Variants in DCC observed in about 807,000 individuals in gnomAD.
The protein encoded by DCC is netrin receptor DCC.
Under a neutral mutation model 172.5 loss-of-function variants are expected in DCC, and 58 were observed. The observed-to-expected ratio is 0.34, with a 90% confidence interval of 0.27 to 0.42. The LOEUF is 0.42. Ranked by LOEUF, DCC falls within the 10% of genes least tolerant of loss-of-function variation. DCC has a pLI of 1.00. For missense variants in DCC, 1,740 were observed against 1,791.0 expected, an observed-to-expected ratio of 0.97 and a Z score of 0.51; for synonymous variants, 709 against 644.5, an observed-to-expected ratio of 1.10 and a Z score of -1.52.
At chr18:52,828,171 G>A (rs1344729183) in intron 2 of DCC, among the ~76,000 whole-genome samples, 2 of 152,122 alleles carry the variant, frequency 1.3e-5, no homozygotes, top group East Asian at 1.9e-4. Context: ...TACATACTAC[G>A]GGATGCAACT....
At chr18:52,861,968 G>A (rs1359633628) in intron 2 of DCC, among the ~76,000 whole-genome samples, 1 of 152,024 alleles carries the variant, frequency 6.6e-6, no homozygotes, top group Admixed American at 6.6e-5. Flanking sequence ...GAATAGCCAC[G>A]GGTAAAGATA....
chr18:52,749,140 C>A (rs1324627514), intron 1 of DCC, among the ~76,000 whole-genome samples: 1 of 151,912 alleles, frequency 6.6e-6, no homozygotes, highest in East Asian at 1.9e-4. Context: ...TGCAGTGAGC[C>A]AAGATCGCAT....
At chr18:52,834,836 G>T (rs117696444) in intron 2 of DCC, among the ~76,000 whole-genome samples, 3,208 of 151,444 alleles carry the variant, frequency 0.021, 58 homozygotes, top group Admixed American at 0.042. Flanking sequence ...AGGCAAAAAA[G>T]GTAAGTTTTC....
At chr18:53,090,774 A>C (rs1237780260) in intron 7 of DCC, among the ~76,000 whole-genome samples, 2 of 147,954 alleles carry the variant, frequency 1.4e-5, no homozygotes, top group Non-Finnish European at 3.0e-5. Context: ...TATCCTAAGC[A>C]GTTCAATTGA....
intron 2 of DCC, among the ~76,000 whole-genome samples, chr18:52,768,975 C>T (rs1489851546): frequency 6.6e-6 from 1 of 151,986 alleles, no homozygotes; most frequent in East Asian, 1.9e-4. Flanking sequence ...ACCATGGCTT[C>T]CCAAAAGGAT....
chr18:52,390,946 A>G (rs942419337), intron 1 of DCC, among the ~76,000 whole-genome samples: 3 of 152,042 alleles, frequency 2.0e-5, no homozygotes, highest in Non-Finnish European at 4.4e-5. Context: ...TGTCCCCTCC[A>G]TTACCAAAAG....
rs529855046 is a variant in DCC at position 53,147,879 on chromosome 18, G to C, written c.1262-9477G>C. On this transcript the variant is annotated intron_variant, in intron 7 of 28. Transcript: ENST00000442544. ...TGGAAGTTAGCCATCAAGTATGATT[G>C]GAGCCATTTTAATGAGTTGCCTAGT... 5.3e-4 allele frequency among the ~76,000 whole-genome samples: 80 copies of C among 152,266 alleles called. 1 individual carries two copies. In the South Asian group the frequency reaches 0.016, roughly 31 times the overall value.
chr18:53,139,910 G>A (rs1045224230), intron 7 of DCC, among the ~76,000 whole-genome samples: 6 of 152,130 alleles, frequency 3.9e-5, no homozygotes, highest in African/African-American at 1.4e-4. Context: ...AGTCACCAAG[G>A]AGGATACAAA....
At chr18:53,189,667 A>G (rs1450063098) in intron 9 of DCC, among the ~76,000 whole-genome samples, 2 of 152,196 alleles carry the variant, frequency 1.3e-5, no homozygotes, top group Non-Finnish European at 2.9e-5. Flanking sequence ...TACCTTCTTC[A>G]TCTCTTCAGA....
At chr18:52,966,033 T>A (rs1489237064) in intron 5 of DCC, among the ~76,000 whole-genome samples, 1 of 152,194 alleles carries the variant, frequency 6.6e-6, no homozygotes, top group Non-Finnish European at 1.5e-5. Flanking sequence ...CTTCCAGAAG[T>A]GCTTCTCTCC....
At chr18:53,359,776 A>T (rs2144928272) in intron 15 of DCC, among the ~76,000 whole-genome samples, 1 of 152,240 alleles carries the variant, frequency 6.6e-6, no homozygotes, top group East Asian at 1.9e-4. Flanking sequence ...TTCCTCAAGG[A>T]GAAGCCCCTT....
At chr18:53,254,705 A>G (rs546118016) in intron 12 of DCC, among the ~76,000 whole-genome samples, 21 of 152,144 alleles carry the variant, frequency 1.4e-4, no homozygotes, top group Admixed American at 1.2e-3. Flanking sequence ...TCTAGTGATT[A>G]TTCTGAATGT....
chr18:53,033,511 TGTATTCTA>T (rs2042052002), intron 5 of DCC, among the ~76,000 whole-genome samples: 1 of 152,152 alleles, frequency 6.6e-6, no homozygotes, highest in Non-Finnish European at 1.5e-5. Flanking sequence ...AGAGTGTCCA[TGTATTCTA>T]AATATATCCA....
intron 1 of DCC, among the ~76,000 whole-genome samples, chr18:52,596,613 GT>G (rs918272770): frequency 6.6e-6 from 1 of 152,122 alleles, no homozygotes; most frequent in African/African-American, 2.4e-5. Context: ...AACTTGTTCT[GT>G]TTACAGTTGA....
intron 1 of DCC, among the ~76,000 whole-genome samples, chr18:52,605,353 G>C (rs17748928): frequency 0.13 from 19,910 of 152,106 alleles, 1,461 homozygotes; most frequent in Non-Finnish European, 0.15. Context: ...CTTTTAAAGT[G>C]GTACAGCTAA....
chr18:53,507,722 A>G (rs2046198684), intron 27 of DCC, among the ~76,000 whole-genome samples: 1 of 152,170 alleles, frequency 6.6e-6, no homozygotes, highest in African/African-American at 2.4e-5. Flanking sequence ...AATTGCACGT[A>G]CAGACTTATA....
intron 27 of DCC, among the ~76,000 whole-genome samples, chr18:53,509,602 C>T (rs2046225444): frequency 6.6e-6 from 1 of 152,096 alleles, no homozygotes; most frequent in Non-Finnish European, 1.5e-5. Context: ...CATGGAAGAA[C>T]TTGTGGGTTT....
At chr18:52,955,139 T>C (rs113846434) in intron 5 of DCC, among the ~76,000 whole-genome samples, 3,872 of 152,270 alleles carry the variant, frequency 0.025, 168 homozygotes, top group African/African-American at 0.088. Flanking sequence ...GGCAAAGATA[T>C]AATGACAAGT....
At chr18:52,633,911 G>A (rs1414278671) in intron 1 of DCC, among the ~76,000 whole-genome samples, 1 of 152,238 alleles carries the variant, frequency 6.6e-6, no homozygotes, top group Non-Finnish European at 1.5e-5. Flanking sequence ...CACAGCCCCT[G>A]ATTCTCAGGA....
Sources: gnomAD v4.1 joint callset for allele counts (sites outside exome capture counted in the v4.1 genomes callset) on GRCh38, gnomAD v4.1.1 for gene constraint, MANE v1.5 for transcripts, NCBI Gene and HGNC (gene_info 2026-07-23, HGNC 2026-07-21) for gene names.